The following EPHX2 variants were observed in gnomAD, a reference collection of about 807,000 sequenced individuals.
The protein encoded by EPHX2 is epoxide hydrolase 2, also known as bifunctional epoxide hydrolase 2.
In EPHX2, 74 loss-of-function variants were observed where a neutral mutation model predicts 78.7. The observed-to-expected ratio is 0.94, with a 90% CI of 0.78 to 1.14. The LOEUF (loss-of-function observed/expected upper bound fraction) is 1.14, where lower values mean the gene tolerates loss of function less well. Among genes scored for constraint, EPHX2 ranks in the 50% most tolerant of loss-of-function variants. The pLI is 0.00. For synonymous variants in EPHX2, 251 were observed against 255.2 expected (o/e 0.98, Z 0.16); for missense variants, 715 against 702.5 (o/e 1.02, Z -0.20).
chr8:27,543,904 A>C, intron 17 of EPHX2, 75 bp downstream of exon 17: 2 of 1,464,218 alleles, frequency 1.4e-6, no homozygotes, highest in Non-Finnish European at 1.9e-6. Context: ...GGAAGACGGC[A>C]GCAGAAGATA....
At chr8:27,524,892 A>G (rs1242818870) in intron 11 of EPHX2, among the ~76,000 whole-genome samples, 2 of 152,188 alleles carry the variant, frequency 1.3e-5, no homozygotes, top group Non-Finnish European at 1.5e-5. Context: ...GAGGATAAAA[A>G]CGATATTTTA....
At chr8:27,523,176 G>C (rs912332709) in intron 11 of EPHX2, among the ~76,000 whole-genome samples, 1 of 152,086 alleles carries the variant, frequency 6.6e-6, no homozygotes, top group Non-Finnish European at 1.5e-5. Flanking sequence ...CCTTCGGTCT[G>C]CCCTGATCAG....
chr8:27,520,020 T>TTA (rs1348826642), intron 9 of EPHX2, among the ~76,000 whole-genome samples: 5 of 151,514 alleles, frequency 3.3e-5, no homozygotes, highest in African/African-American at 7.3e-5. Context: ...TTTTTTTTTT[T>TTA]AATAAGCAAC....
chr8:27,530,524 G>C (rs1243182114), intron 12 of EPHX2, among the ~76,000 whole-genome samples: 1 of 152,068 alleles, frequency 6.6e-6, no homozygotes, highest in Non-Finnish European at 1.5e-5. Flanking sequence ...ATGGAATCAT[G>C]CTGCTTTTTC....
chr8:27,501,724 T>C (rs767083030), intron 2 of EPHX2, among the ~76,000 whole-genome samples: 3 of 152,158 alleles, frequency 2.0e-5, no homozygotes, highest in African/African-American at 4.8e-5. Context: ...ATATTTTCAA[T>C]GAACATACAG....
chr8:27,521,006 G>A, intron 10 of EPHX2, 97 bp downstream of exon 10: 2 of 1,507,606 alleles, frequency 1.3e-6, no homozygotes, highest in South Asian at 1.1e-5. Flanking sequence ...TGCACGGGCA[G>A]GGAGGGCCCA....
chr8:27,544,288 C>A (rs1269751981), intron 18 of EPHX2, 44 bp downstream of exon 18: 1 of 1,609,670 alleles, frequency 6.2e-7, no homozygotes, highest in Non-Finnish European at 8.5e-7. Context: ...AGCAGGGCCC[C>A]CCGTTCACCT....
At chr8:27,516,458 T>C (rs1331975788) in intron 8 of EPHX2, 60 bp downstream of exon 8, 1 of 1,502,010 alleles carries the variant, frequency 6.7e-7, no homozygotes, top group Non-Finnish European at 9.3e-7. Flanking sequence ...GCCTGAGCGC[T>C]CCACGCCTCG....
intron 8 of EPHX2, among the ~76,000 whole-genome samples, chr8:27,517,504 C>G (rs1196878817): frequency 1.3e-5 from 2 of 152,172 alleles, no homozygotes; most frequent in African/African-American, 4.8e-5. Context: ...CATTATAAGT[C>G]TATAGTATGA....
At position 27,502,056 on chromosome 8, in the gene EPHX2, T is replaced by C. The variant is rs568163393; in HGVS notation, c.186+1046T>C. Among the ~76,000 whole-genome samples, 3 of 152,126 alleles carry C rather than the reference T, an allele frequency of 2.0e-5. No individual in the cohort carries two copies. In the South Asian group the frequency reaches 6.2e-4, roughly 32 times the overall value. On this transcript the variant is annotated intron_variant, in intron 2 of 18. Coordinates refer to ENST00000521400, the MANE Select transcript of EPHX2 (RefSeq NM_001979.6). ...TGTCACCAGCACCCAGATCAAGAAA[T>C]AAAACATTCTCAGCGCTGTAGGCAA...
rs1304973279 is a variant in EPHX2 at position 27,511,929 on chromosome 8, T to G, written c.735+19T>G. 1 of 1,613,388 alleles carries G rather than the reference T, an allele frequency of 6.2e-7. No individual in the cohort carries two copies. Among genetic ancestry groups the G allele is most frequent in the Non-Finnish European group, 8.5e-7 (1 of 1,179,426 alleles). On this transcript the variant is annotated intron_variant, in intron 6 of 18. Coordinates refer to ENST00000521400, the MANE Select transcript of EPHX2 (RefSeq NM_001979.6). ...AGTAAAGGTGAGTCAGTTTTGTCTC[T>G]CAGTCGGCTAAGTGCTCTCCCACCA...
chr8:27,502,319 A>G lies in EPHX2; in HGVS notation c.187-1285A>G, dbSNP rs535407171. ...CATTCCATCACATTCATATACCCCA[A>G]TCTATCCATTCTTCTATTGATGGGG... On this transcript the variant is annotated intron_variant, in intron 2 of 18. Transcript: ENST00000521400. Among the ~76,000 whole-genome samples the G allele has an allele frequency of 2.6e-5, 4 of 152,300 alleles. No individual in the cohort carries two copies. The East Asian group carries it at 7.7e-4, about 29-fold the overall frequency.
intron 1 of EPHX2, among the ~76,000 whole-genome samples, chr8:27,494,221 G>A (rs10091679): frequency 0.086 from 13,104 of 152,190 alleles, 687 homozygotes; most frequent in East Asian, 0.23. Context: ...GTGCCCCAGG[G>A]GCAGGCCTGA....
At chr8:27,524,888 A>T (rs1349455494) in intron 11 of EPHX2, among the ~76,000 whole-genome samples, 1 of 152,176 alleles carries the variant, frequency 6.6e-6, no homozygotes, top group African/African-American at 2.4e-5. Context: ...CCTTGAGGAT[A>T]AAAACGATAT....
chr8:27,509,765 C>T (rs971451945), intron 5 of EPHX2, among the ~76,000 whole-genome samples: 2 of 152,208 alleles, frequency 1.3e-5, no homozygotes, highest in African/African-American at 2.4e-5. Context: ...AAAAATCACC[C>T]CTTCTTAAAC....
rs747196050 is a variant in EPHX2 at position 27,503,704 on chromosome 8, T to C, written c.287T>C (p.Ile96Thr). The part of the protein sequence containing the change: ...FSIKEIFDKA[I>T]SARKINRPML... Reference sequence around the variant, plus strand: ...ATAAAAGAAATCTTTGACAAGGCGATTTCAGCCAGAAAGATCAACCGCCCC... The same window carrying C: ...ATAAAAGAAATCTTTGACAAGGCGACTTCAGCCAGAAAGATCAACCGCCCC... Residue 96 changes from isoleucine to threonine, a missense_variant, in exon 3 of 19, where the codon ATT becomes ACT. Transcript: ENST00000521400. 1 of 1,613,844 alleles carries C rather than the reference T, an allele frequency of 6.2e-7. No homozygotes were observed. Among genetic ancestry groups the C allele is most frequent in the Non-Finnish European group, 8.5e-7 (1 of 1,179,980 alleles).
intron 15 of EPHX2, 99 bp from the exon 16 acceptor site, chr8:27,541,374 C>A: frequency 7.7e-7 from 1 of 1,306,380 alleles, no homozygotes; most frequent in Non-Finnish European, 1.1e-6. Context: ...CTTTGCTCTT[C>A]CCAGGACGAC....
In EPHX2 at chr8:27,544,518, T is replaced by C; in HGVS notation, c.1664T>C (p.Met555Thr). The change falls in exon 19 of 19, where the codon ATG becomes ACG. Residue 555 changes from methionine to threonine, a missense_variant. Transcript: ENST00000521400. ...CGGAACCCACCGGTGGTCTCAAAGA[T>C]GTAGAACGCAGCGTGTGCCCACGCT... Reference protein sequence around the residue: ...DARNPPVVSKM With the variant: ...DARNPPVVSKT 1 of 1,613,638 alleles carries C rather than the reference T, an allele frequency of 6.2e-7. No individual in the cohort carries two copies. Among genetic ancestry groups the C allele is most frequent in the Non-Finnish European group, 8.5e-7 (1 of 1,180,010 alleles).
At chr8:27,501,324 T>TTTCTTCCTCTTCTTCTTCTTCTTC (rs1378699940) in intron 2 of EPHX2, among the ~76,000 whole-genome samples, 1 of 102,914 alleles carries the variant, frequency 9.7e-6, no homozygotes, top group Non-Finnish European at 2.0e-5. Flanking sequence ...TGCTATATAT[T>TTTCTTCCTCTTCTTCTTCTTCTTC]TTCTTCTTCT....
Sources: allele counts gnomAD v4.1 joint callset (sites outside exome capture counted in the v4.1 genomes callset), GRCh38; gene constraint gnomAD v4.1.1; transcripts MANE v1.5; gene names NCBI Gene and HGNC (gene_info 2026-07-23, HGNC 2026-07-21).